SMARCA2: variants seen among roughly 807,000 people sequenced by gnomAD.
The protein encoded by SMARCA2 is SWI/SNF-related matrix-associated actin-dependent regulator of chromatin subfamily A member 2.
SMARCA2 carries 61 observed loss-of-function variants against 199.8 expected under a neutral mutation model. The observed-to-expected ratio is 0.31, with a 90% CI of 0.25 to 0.38. The LOEUF (loss-of-function observed/expected upper bound fraction) is 0.38, where lower values mean the gene tolerates loss of function less well. Ranked by LOEUF, SMARCA2 falls within the 10% of genes least tolerant of loss-of-function variation. SMARCA2 has a pLI of 1.00. For missense variants in SMARCA2, 1,344 were observed against 2,012.2 expected (o/e 0.67, Z 6.35); for synonymous variants, 935 against 732.0 (o/e 1.28, Z -4.48).
Position 2,110,952 on chromosome 9 carries a change from A to C in SMARCA2, c.3456+535A>C, listed in dbSNP as rs12236386. ...ATTTTGTGTTTTATTTAAAGTCATCATCAAAACATATTCTAATGAGCATTT... is the reference window on the plus strand; with the variant it reads ...ATTTTGTGTTTTATTTAAAGTCATCCTCAAAACATATTCTAATGAGCATTT... On this transcript the variant is annotated intron_variant, in intron 24 of 33. Transcript: ENST00000349721. This position sits in a 1 kb window ranked among gnomAD's most constrained non-coding sequence, Gnocchi z 4.8. 1.4e-4 allele frequency among the ~76,000 whole-genome samples: 22 copies of C among 152,218 alleles called. No homozygotes were observed. The East Asian group carries it at 4.2e-3, about 29-fold the overall frequency.
chr9:2,028,947 G>T (rs753020525), intron 1 of SMARCA2, 40 bp from the exon 2 acceptor site: 1 of 1,482,144 alleles, frequency 6.7e-7, no homozygotes, highest in Non-Finnish European at 9.1e-7. Flanking sequence ...TTAACATCAT[G>T]TTTAAAACAT....
chr9:2,143,039 A>T (rs1824542668), intron 27 of SMARCA2, among the ~76,000 whole-genome samples: 1 of 152,182 alleles, frequency 6.6e-6, no homozygotes, highest in Non-Finnish European at 1.5e-5. Context: ...AAAACAAAAG[A>T]AACTTATACA....
chr9:2,139,465 G>T (rs546422942), intron 27 of SMARCA2, among the ~76,000 whole-genome samples: 28 of 152,310 alleles, frequency 1.8e-4, no homozygotes, highest in Admixed American at 1.2e-3. Context: ...GTGTGATATT[G>T]TGAAGTCCAG....
intron 6 of SMARCA2, among the ~76,000 whole-genome samples, chr9:2,055,206 A>AGCTT (rs1444100922): frequency 6.6e-6 from 1 of 152,262 alleles, no homozygotes; most frequent in Non-Finnish European, 1.5e-5. Flanking sequence ...AATGTCTTAT[A>AGCTT]GCTTATTTAT....
intron 19 of SMARCA2, among the ~76,000 whole-genome samples, chr9:2,091,895 G>A (rs987129786): frequency 6.6e-6 from 1 of 152,168 alleles, no homozygotes; most frequent in African/African-American, 2.4e-5. Flanking sequence ...TGAAACTAAA[G>A]CAGGTATATA....
intron 1 of SMARCA2, among the ~76,000 whole-genome samples, chr9:2,024,303 C>G (rs570249493): frequency 2.6e-5 from 4 of 152,280 alleles, no homozygotes; most frequent in Admixed American, 2.6e-4. Flanking sequence ...TAATGTCTCC[C>G]ATTCTATGAC....
intron 27 of SMARCA2, chr9:2,157,840 C>T (rs1007563365): frequency 2.0e-5 from 8 of 398,260 alleles, no homozygotes; most frequent in African/African-American, 1.2e-4. Flanking sequence ...GAGAAGAAGG[C>T]GCCTGAGGCT....
intron 1 of SMARCA2, among the ~76,000 whole-genome samples, chr9:2,023,231 G>A (rs1480368973): frequency 2.6e-5 from 4 of 152,120 alleles, no homozygotes; most frequent in Admixed American, 1.3e-4. Context: ...GTTATCTTTT[G>A]TTGTGCACAG....
chr9:2,160,117 T>G, intron 27 of SMARCA2: 1 of 618,824 alleles, frequency 1.6e-6, no homozygotes, highest in East Asian at 2.9e-5. Flanking sequence ...CGGGACAATT[T>G]CCTTTTCTTA....
chr9:2,096,582 C>G, intron 19 of SMARCA2, 75 bp from the exon 20 acceptor site: 4 of 887,170 alleles, frequency 4.5e-6, no homozygotes, highest in South Asian at 1.3e-5. Context: ...AGGAGTGACA[C>G]TGACTCAGCA....
intron 23 of SMARCA2, among the ~76,000 whole-genome samples, chr9:2,108,571 C>T (rs1443492166): frequency 6.6e-6 from 1 of 152,184 alleles, no homozygotes; most frequent in African/African-American, 2.4e-5. Context: ...ATGATCTCTT[C>T]TTTCCCCATT....
In SMARCA2 at chr9:2,170,621, A is replaced by T; in HGVS notation, c.4253+149A>T. ...CTTGGAGAGCGGGATAGAGGCACAG[A>T]TACTCTTAAACAGCTGTCATGGCTT... On this transcript the variant is annotated intron_variant, in intron 29 of 33. Coordinates refer to ENST00000349721, the MANE Select transcript of SMARCA2 (RefSeq NM_003070.5). The surrounding 1 kb of genome is among the most constrained non-coding windows in gnomAD (Gnocchi z 4.7). The T allele has an allele frequency of 7.6e-7, 1 of 1,316,216 alleles. No individual in the cohort carries two copies. Among genetic ancestry groups the T allele is most frequent in the Non-Finnish European group, 1.1e-6 (1 of 950,352 alleles). 81.5% of individuals were successfully genotyped at this position (1,316,216 alleles called of 1,614,324 possible).
At chr9:2,172,374 C>T (rs370305047) in intron 29 of SMARCA2, among the ~76,000 whole-genome samples, 3 of 150,598 alleles carry the variant, frequency 2.0e-5, no homozygotes, top group East Asian at 2.0e-4. Flanking sequence ...GAGTGGAGAG[C>T]GCTTCTAACT....
chr9:2,177,003 G>T (rs776367081), intron 29 of SMARCA2, among the ~76,000 whole-genome samples: 5 of 152,182 alleles, frequency 3.3e-5, no homozygotes, highest in Non-Finnish European at 7.3e-5. Context: ...CAATAAGGCT[G>T]AGATGAGAGA....
At position 2,083,347 on chromosome 9, in the gene SMARCA2, G is replaced by A. The variant is rs1468194383; in HGVS notation, c.2349G>A (p.Ser783=). 3 of 1,572,328 alleles carry A rather than the reference G, an allele frequency of 1.9e-6. No individual in the cohort carries two copies. Among genetic ancestry groups the A allele is most frequent in the Non-Finnish European group, 2.6e-6 (3 of 1,156,054 alleles). ...NGPYLIIVPL[S]TLSNWTYEFD... Reference sequence around the variant, plus strand: ...GTTGTTTTTTTTTTTTGTTCCATAGGACTCTATCTAACTGGACATATGAAT... The same window carrying A: ...GTTGTTTTTTTTTTTTGTTCCATAGAACTCTATCTAACTGGACATATGAAT... Residue 783 remains serine (S), a splice_region_variant and synonymous_variant, in exon 16 of 34, where the codon TCG becomes TCA. Transcript: ENST00000349721.
intron 27 of SMARCA2, among the ~76,000 whole-genome samples, chr9:2,141,376 G>A (rs1824452480): frequency 1.3e-5 from 2 of 152,156 alleles, no homozygotes; most frequent in Admixed American, 1.3e-4. Context: ...TTAATGACAG[G>A]TGTATTTGTT....
At chr9:2,165,373 G>A (rs145301932) in intron 28 of SMARCA2, among the ~76,000 whole-genome samples, 16 of 152,224 alleles carry the variant, frequency 1.1e-4, no homozygotes, top group South Asian at 2.1e-4. Context: ...GTGTGTGTTC[G>A]TTGCTTTTTA....
intron 1 of SMARCA2, among the ~76,000 whole-genome samples, chr9:2,026,744 A>C (rs1818848220): frequency 6.6e-6 from 1 of 152,252 alleles, no homozygotes; most frequent in Non-Finnish European, 1.5e-5. Context: ...TAGTGTGCTC[A>C]TATACATGAA....
intron 31 of SMARCA2, among the ~76,000 whole-genome samples, 166 bp downstream of exon 31, chr9:2,182,408 G>GC: frequency 6.6e-6 from 1 of 150,736 alleles, no homozygotes; most frequent in Non-Finnish European, 1.5e-5. Flanking sequence ...AGAGGCTTTG[G>GC]CATCTGCAGA....
Sources: gnomAD v4.1 joint callset for allele counts (sites outside exome capture counted in the v4.1 genomes callset) on GRCh38, gnomAD v4.1.1 for gene constraint, Gnocchi (gnomAD v3.1) non-coding constraint, MANE v1.5 for transcripts, NCBI Gene and HGNC (gene_info 2026-07-23, HGNC 2026-07-21) for gene names.